The following PTPRC variants were observed in gnomAD, a reference collection of about 807,000 sequenced individuals.
The protein encoded by PTPRC is receptor-type tyrosine-protein phosphatase C.
PTPRC carries 44 observed loss-of-function variants against 155.9 expected under a neutral mutation model. The observed-to-expected ratio is 0.28, with a 90% CI of 0.22 to 0.36. The LOEUF (loss-of-function observed/expected upper bound fraction) is 0.36, where lower values mean the gene tolerates loss of function less well. PTPRC is among the 10% of genes least tolerant of loss of function. PTPRC has a pLI of 1.00. For synonymous variants in PTPRC, 525 were observed against 533.1 expected, an observed-to-expected ratio of 0.98 and a Z score of 0.21; for missense variants, 1,401 against 1,564.6, an observed-to-expected ratio of 0.90 and a Z score of 1.76.
intron 2 of PTPRC, among the ~76,000 whole-genome samples, chr1:198,675,713 T>A (rs1390844925): frequency 6.6e-6 from 1 of 152,192 alleles, no homozygotes; most frequent in East Asian, 1.9e-4. Flanking sequence ...GCTGGTAAAC[T>A]GATCACTTGA....
intron 25 of PTPRC, among the ~76,000 whole-genome samples, chr1:198,743,824 T>C (rs905999878): frequency 2.6e-5 from 4 of 151,868 alleles, no homozygotes; most frequent in African/African-American, 9.7e-5. Flanking sequence ...ATAATCTATT[T>C]GCAAAGTAAT....
At chr1:198,748,230 C>G in intron 27 of PTPRC, 31 bp downstream of exon 27, 1 of 1,576,346 alleles carries the variant, frequency 6.3e-7, no homozygotes, top group Non-Finnish European at 8.6e-7. Flanking sequence ...TTTTTTGTAT[C>G]AGATAAAGTT....
chr1:198,703,227 A>G (rs1164501783), intron 6 of PTPRC, 71 bp from the exon 7 acceptor site: 7 of 1,603,088 alleles, frequency 4.4e-6, no homozygotes, highest in Non-Finnish European at 4.2e-6. Context: ...TATCTTTGCT[A>G]AAGAGTTTTT....
intron 10 of PTPRC, among the ~76,000 whole-genome samples, chr1:198,709,334 C>T (rs1252151215): frequency 2.0e-5 from 3 of 151,960 alleles, no homozygotes; most frequent in Non-Finnish European, 4.4e-5. Context: ...TAAATGACCT[C>T]AAGCTATGTA....
rs369017416 is a variant in PTPRC at position 198,734,240 on chromosome 1, C to T, written c.2179+8C>T. On this transcript the variant is annotated splice_region_variant and intron_variant, in intron 21 of 32. Coordinates refer to ENST00000442510, the MANE Select transcript of PTPRC (RefSeq NM_002838.5). Reference sequence around the variant, plus strand: ...AATACATTGCTGCACAAGGTAATTTCTTTGATAATCCAATATTCTTTTTGA... The same window carrying T: ...AATACATTGCTGCACAAGGTAATTTTTTTGATAATCCAATATTCTTTTTGA... 1.2e-6 allele frequency: 2 copies of T among 1,610,654 alleles called. No individual in the cohort carries two copies. Among genetic ancestry groups the T allele is most frequent in the South Asian group, 2.2e-5 (2 of 90,914 alleles).
intron 23 of PTPRC, among the ~76,000 whole-genome samples, chr1:198,739,697 A>T (rs1398646539): frequency 2.0e-5 from 3 of 151,790 alleles, no homozygotes; most frequent in African/African-American, 4.8e-5. Context: ...ACAAAGAAAC[A>T]TTGGTCTTAA....
chr1:198,639,731 CT>C (rs1662468054), intron 2 of PTPRC, among the ~76,000 whole-genome samples: 1 of 152,016 alleles, frequency 6.6e-6, no homozygotes, highest in South Asian at 2.1e-4. Flanking sequence ...CAAATTTGAT[CT>C]TTTAAAAAGT....
chr1:198,639,388 G>A (rs1197186816), intron 2 of PTPRC, 47 bp downstream of exon 2: 5 of 1,429,776 alleles, frequency 3.5e-6, no homozygotes, highest in Non-Finnish European at 4.9e-6. Flanking sequence ...TTTCTCTTTT[G>A]GAGGAATGTT....
chr1:198,677,967 A>C (rs879587432), intron 2 of PTPRC, among the ~76,000 whole-genome samples: 1 of 152,090 alleles, frequency 6.6e-6, no homozygotes, highest in East Asian at 1.9e-4. Flanking sequence ...GTACAGTTTT[A>C]CATTTTGTTC....
At chr1:198,751,070 C>T (rs564188505) in intron 29 of PTPRC, among the ~76,000 whole-genome samples, 70 of 152,088 alleles carry the variant, frequency 4.6e-4, no homozygotes, top group African/African-American at 1.0e-3. Flanking sequence ...AGCCTAAACA[C>T]GCCATTTGCA....
chr1:198,642,319 T>C (rs61829717), intron 2 of PTPRC, among the ~76,000 whole-genome samples: 1 of 151,934 alleles, frequency 6.6e-6, no homozygotes, highest in African/African-American at 2.4e-5. Context: ...TACTCACACA[T>C]AAACTAGTTA....
At chr1:198,711,607 C>T (rs72738048) in intron 11 of PTPRC, among the ~76,000 whole-genome samples, 2,176 of 152,250 alleles carry the variant, frequency 0.014, 25 homozygotes, top group Non-Finnish European at 0.016. Flanking sequence ...AAACATAAAA[C>T]TTTTTTGATG....
intron 2 of PTPRC, among the ~76,000 whole-genome samples, chr1:198,655,494 A>C (rs1397953991): frequency 6.6e-6 from 1 of 152,070 alleles, no homozygotes; most frequent in African/African-American, 2.4e-5. Context: ...GTGGCCTGAT[A>C]CAATGAAATG....
chr1:198,644,197 A>G (rs1427990330), intron 2 of PTPRC, among the ~76,000 whole-genome samples: 1 of 151,910 alleles, frequency 6.6e-6, no homozygotes, highest in Non-Finnish European at 1.5e-5. Flanking sequence ...GAAATTTAAC[A>G]TATCTTCAGT....
At chr1:198,663,649 T>C (rs1054352926) in intron 2 of PTPRC, among the ~76,000 whole-genome samples, 1 of 152,214 alleles carries the variant, frequency 6.6e-6, no homozygotes, top group Non-Finnish European at 1.5e-5. Flanking sequence ...ATGGTTAAGA[T>C]TGCAGGCTTT....
intron 14 of PTPRC, among the ~76,000 whole-genome samples, chr1:198,721,682 G>C (rs1454604704): frequency 6.6e-6 from 1 of 151,888 alleles, no homozygotes; most frequent in African/African-American, 2.4e-5. Context: ...AGGATTTGTA[G>C]AATAATTTTT....
chr1:198,640,199 TC>T (rs1173362331), intron 2 of PTPRC, among the ~76,000 whole-genome samples: 4 of 152,020 alleles, frequency 2.6e-5, no homozygotes, highest in African/African-American at 9.7e-5. Flanking sequence ...TGAGTACATT[TC>T]AATAGATTAT....
chr1:198,690,544 C>T (rs1175266086), intron 2 of PTPRC, among the ~76,000 whole-genome samples: 1 of 151,944 alleles, frequency 6.6e-6, no homozygotes, highest in Non-Finnish European at 1.5e-5. Context: ...AATTATGTAT[C>T]ACCCATCAAT....
intron 28 of PTPRC, 108 bp from the exon 29 acceptor site, chr1:198,750,384 T>C (rs1655325745): frequency 8.8e-7 from 1 of 1,135,952 alleles, no homozygotes; most frequent in Non-Finnish European, 1.3e-6. Context: ...ACTATTTGTA[T>C]GTAACAGCAT....
Sources: allele counts gnomAD v4.1 joint callset (sites outside exome capture counted in the v4.1 genomes callset), GRCh38; gene constraint gnomAD v4.1.1; transcripts MANE v1.5; gene names NCBI Gene and HGNC (gene_info 2026-07-23, HGNC 2026-07-21).